AUTS2: variants seen among roughly 807,000 people sequenced by gnomAD.
AUTS2 encodes activator of transcription and developmental regulator AUTS2.
In AUTS2, 17 loss-of-function variants were observed where a neutral mutation model predicts 112.4. The ratio of observed to expected loss-of-function variants is 0.15; its 90% CI spans 0.10 to 0.23. The LOEUF is 0.23. Among genes scored for constraint, AUTS2 ranks in the 10% least tolerant of loss-of-function variants. The probability of loss-of-function intolerance (pLI) is 1.00; values close to 1 mark genes in which losing one functional copy is unlikely to be tolerated. For missense variants in AUTS2, 1,510 were observed against 1,701.6 expected, an observed-to-expected ratio of 0.89 and a Z score of 1.98; for synonymous variants, 751 against 702.7, an observed-to-expected ratio of 1.07 and a Z score of -1.09.
chr7:70,071,874 C>G (rs1195896217), intron 2 of AUTS2, among the ~76,000 whole-genome samples: 1 of 152,128 alleles, frequency 6.6e-6, no homozygotes, highest in Non-Finnish European at 1.5e-5. Context: ...ATTACTTAGT[C>G]CTGTGTCACC....
chr7:69,904,816 A>G (rs1460025314), intron 2 of AUTS2, among the ~76,000 whole-genome samples: 1 of 152,190 alleles, frequency 6.6e-6, no homozygotes, highest in Non-Finnish European at 1.5e-5. Context: ...CCTAAAGTAT[A>G]GAAATAAGAA....
In AUTS2 at chr7:69,914,356, GACACAC is replaced by G. The variant is rs66527808; in HGVS notation, c.522+14892_522+14897del. 2.4e-3 allele frequency among the ~76,000 whole-genome samples: 322 copies of G among 136,094 alleles called. 2 individuals are homozygous for G. The highest frequency in any genetic ancestry group is 6.2e-3 in the South Asian group (25 of 4,026). The allele number at this position is 136,094 out of a possible 152,430, so 89.3% of individuals were successfully genotyped here. A position where few individuals can be genotyped will look rare whatever the true frequency, so the allele number is the denominator to read the frequency against. On this transcript the variant is annotated intron_variant, in intron 2 of 18. Coordinates refer to ENST00000342771, the MANE Select transcript of AUTS2 (RefSeq NM_015570.4). ...ACACAGACACAGACACACACACACAGACACACACACACACACACACACACACACACA... is the reference window on the plus strand; with the variant it reads ...ACACAGACACAGACACACACACACAGACACACACACACACACACACACACA...
chr7:70,178,671 G>A (rs1389154616), intron 4 of AUTS2, among the ~76,000 whole-genome samples: 1 of 152,060 alleles, frequency 6.6e-6, no homozygotes, highest in Non-Finnish European at 1.5e-5. Flanking sequence ...GTGGTGGCAG[G>A]TGCCTGTAGT....
intron 1 of AUTS2, among the ~76,000 whole-genome samples, chr7:69,753,520 C>G (rs1286113343): frequency 6.6e-6 from 1 of 152,126 alleles, no homozygotes; most frequent in African/African-American, 2.4e-5. Context: ...GGCTCTGCCC[C>G]TTTGGCTATG....
chr7:70,282,324 T>G (rs1237443018), intron 4 of AUTS2, among the ~76,000 whole-genome samples: 1 of 152,146 alleles, frequency 6.6e-6, no homozygotes, highest in Admixed American at 6.5e-5. Context: ...GTTTTTGTCT[T>G]AGTCCACTCA....
chr7:69,696,504 C>G (rs780476407), intron 1 of AUTS2, among the ~76,000 whole-genome samples: 9 of 152,112 alleles, frequency 5.9e-5, no homozygotes, highest in Non-Finnish European at 1.2e-4. Flanking sequence ...CAAAATTGCT[C>G]CTCCCTCTTT....
chr7:70,140,499 G>C (rs1369614640), intron 4 of AUTS2, among the ~76,000 whole-genome samples: 3 of 152,104 alleles, frequency 2.0e-5, no homozygotes, highest in Admixed American at 6.5e-5. Flanking sequence ...CATCAACTTG[G>C]TGCTGACGGC....
chr7:70,432,274 A>G (rs1795704911), intron 4 of AUTS2, among the ~76,000 whole-genome samples: 1 of 152,190 alleles, frequency 6.6e-6, no homozygotes, highest in African/African-American at 2.4e-5. Flanking sequence ...CTCATGCAGA[A>G]CATAAACCTG....
intron 2 of AUTS2, among the ~76,000 whole-genome samples, chr7:70,036,579 C>T: frequency 6.6e-6 from 1 of 152,190 alleles, no homozygotes; most frequent in Non-Finnish European, 1.5e-5. Flanking sequence ...TTCTTCACTG[C>T]ATTTGCTCAC....
At chr7:69,892,729 G>A (rs1188652377) in intron 1 of AUTS2, among the ~76,000 whole-genome samples, 1 of 152,046 alleles carries the variant, frequency 6.6e-6, no homozygotes, top group East Asian at 1.9e-4. Context: ...AAATTTTATG[G>A]TTTTAGGTTT....
At chr7:69,790,254 G>T (rs897808708) in intron 1 of AUTS2, among the ~76,000 whole-genome samples, 5 of 152,176 alleles carry the variant, frequency 3.3e-5, no homozygotes, top group Admixed American at 3.3e-4. Context: ...TTGTACCACT[G>T]CACTCCAGCC....
intron 1 of AUTS2, among the ~76,000 whole-genome samples, chr7:69,837,456 C>G (rs1483910012): frequency 6.6e-6 from 1 of 152,120 alleles, no homozygotes; most frequent in Non-Finnish European, 1.5e-5. Context: ...TTATGCTACT[C>G]AGGGGGCCCA....
intron 1 of AUTS2, among the ~76,000 whole-genome samples, chr7:69,672,907 A>G (rs982189003): frequency 4.6e-5 from 7 of 152,162 alleles, no homozygotes; most frequent in African/African-American, 1.2e-4. Flanking sequence ...GGGCTTGGCT[A>G]TGTTGGGAAC....
chr7:70,351,052 CTTT>C (rs34943340), intron 4 of AUTS2, among the ~76,000 whole-genome samples: 16 of 134,926 alleles, frequency 1.2e-4, no homozygotes, highest in Admixed American at 2.2e-4. Flanking sequence ...TTGTCTTCTT[CTTT>C]TTTTTTTTTT....
intron 2 of AUTS2, among the ~76,000 whole-genome samples, chr7:69,909,672 T>G (rs998355175): frequency 2.0e-5 from 3 of 152,102 alleles, no homozygotes; most frequent in African/African-American, 7.2e-5. Context: ...TTCCACAAAT[T>G]CAAAAAGAAA....
chr7:70,197,310 T>C (rs1176662243), intron 4 of AUTS2, among the ~76,000 whole-genome samples: 1 of 151,932 alleles, frequency 6.6e-6, no homozygotes, highest in African/African-American at 2.4e-5. Flanking sequence ...CTAAAGACAC[T>C]GGAAAGAAGT....
At chr7:70,288,901 G>A (rs1788584147) in intron 4 of AUTS2, among the ~76,000 whole-genome samples, 1 of 152,132 alleles carries the variant, frequency 6.6e-6, no homozygotes, top group Non-Finnish European at 1.5e-5. Flanking sequence ...TTTATACTAA[G>A]CGTAATACAT....
intron 5 of AUTS2, among the ~76,000 whole-genome samples, chr7:70,591,294 C>A (rs908866777): frequency 3.3e-5 from 5 of 152,206 alleles, no homozygotes; most frequent in African/African-American, 9.6e-5. Context: ...ATAGGCCATG[C>A]TGCCCGCTTT....
In AUTS2 at chr7:70,790,609, C is replaced by T. The variant is rs771245688; in HGVS notation, c.3393C>T (p.His1131=). 1.2e-6 allele frequency: 2 copies of T among 1,608,452 alleles called. No homozygotes were observed. The highest frequency in any genetic ancestry group is 8.5e-7 in the Non-Finnish European group (1 of 1,177,926). The change falls in exon 19 of 19, where the codon CAC becomes CAT. Residue 1131 remains histidine, a synonymous_variant. Coordinates refer to ENST00000342771, the MANE Select transcript of AUTS2 (RefSeq NM_015570.4). The surrounding 1 kb of genome is among the most constrained non-coding windows in gnomAD (Gnocchi z 7.6). ...PHDYSHHHHH[H]HHPLSVDPRR... is the part of the protein sequence containing the mutation. ...ACTACAGCCACCACCACCACCACCA[C>T]CACCACCCGCTGTCTGTGGACCCTC...
Sources: gnomAD v4.1 joint callset for allele counts (sites outside exome capture counted in the v4.1 genomes callset) on GRCh38, gnomAD v4.1.1 for gene constraint, Gnocchi (gnomAD v3.1) non-coding constraint, MANE v1.5 for transcripts, NCBI Gene and HGNC (gene_info 2026-07-23, HGNC 2026-07-21) for gene names.